TMEM45A: variants seen among roughly 807,000 people sequenced by gnomAD.
TMEM45A encodes DNA polymerase-transactivated protein 4.
A neutral mutation model predicts 32.0 loss-of-function variants in TMEM45A; 25 were observed. The ratio of observed to expected loss-of-function variants is 0.78; its 90% CI spans 0.57 to 1.09. The LOEUF is 1.09. Among genes scored for constraint, TMEM45A ranks in the 50% least tolerant of loss-of-function variants. The pLI, the probability that TMEM45A is intolerant of heterozygous loss-of-function variation, is 0.00. For missense variants in TMEM45A, 302 were observed against 325.0 expected (o/e 0.93, Z 0.54); for synonymous variants, 122 against 114.8 (o/e 1.06, Z -0.40).
At chr3:100,510,394 C>T (rs1433070031) in intron 1 of TMEM45A, among the ~76,000 whole-genome samples, 1 of 152,174 alleles carries the variant, frequency 6.6e-6, no homozygotes, top group African/African-American at 2.4e-5. Context: ...TCCAACAGAC[C>T]TGCAGCTGAG....
chr3:100,526,590 G>C (rs1705550025), intron 1 of TMEM45A, among the ~76,000 whole-genome samples: 1 of 152,190 alleles, frequency 6.6e-6, no homozygotes, highest in African/African-American at 2.4e-5. Context: ...GAGGCTAAAA[G>C]TAATTTGTAT....
chr3:100,556,995 A>G (rs565449601), intron 3 of TMEM45A, 23 bp downstream of exon 3: 2 of 1,610,214 alleles, frequency 1.2e-6, no homozygotes, highest in African/African-American at 1.3e-5. Flanking sequence ...GAGTATTTTC[A>G]TGTACCTTTC....
chr3:100,540,871 T>A (rs1414882412), intron 1 of TMEM45A, among the ~76,000 whole-genome samples: 2 of 152,224 alleles, frequency 1.3e-5, no homozygotes, highest in Non-Finnish European at 2.9e-5. Context: ...CTGGGTCAAA[T>A]GTTAGTTCTA....
At position 100,530,189 on chromosome 3, in the gene TMEM45A, A is replaced by C. The variant is rs191984202; in HGVS notation, c.-3-25020A>C. 8.6e-4 allele frequency among the ~76,000 whole-genome samples: 131 copies of C among 152,346 alleles called. 2 individuals are homozygous for C. The East Asian group carries it at 0.022, about 26-fold the overall frequency. ...CCCCCAGATAATATTTGTATAAGTT[A>C]GGGTTCTCTAGAGAGACATAACCAA... On this transcript the variant is annotated intron_variant, in intron 1 of 5. Coordinates refer to ENST00000323523, the MANE Select transcript of TMEM45A (RefSeq NM_018004.3).
chr3:100,505,498 A>G (rs971422493), intron 1 of TMEM45A, among the ~76,000 whole-genome samples: 1 of 152,204 alleles, frequency 6.6e-6, no homozygotes, highest in Non-Finnish European at 1.5e-5. Flanking sequence ...GTTTAATAGA[A>G]TGGAGAATGT....
chr3:100,504,541 A>ATT (rs1708054504), intron 1 of TMEM45A, among the ~76,000 whole-genome samples: 1 of 152,212 alleles, frequency 6.6e-6, no homozygotes, highest in Admixed American at 6.5e-5. Context: ...TTCCTATTGC[A>ATT]TTTAAAATAA....
At chr3:100,574,484 G>A (rs1186271103) in intron 5 of TMEM45A, 2 of 152,096 alleles carry the variant, frequency 1.3e-5, no homozygotes, top group Admixed American at 1.3e-4. Context: ...CCAATAACAG[G>A]CTCTGAAATT....
intron 1 of TMEM45A, among the ~76,000 whole-genome samples, chr3:100,493,824 C>A (rs531731430): frequency 6.6e-6 from 1 of 152,218 alleles, no homozygotes; most frequent in Admixed American, 6.5e-5. Flanking sequence ...CTCTGCCTCC[C>A]GGGTTCAAGT....
chr3:100,536,663 A>G (rs1484997196), intron 1 of TMEM45A, among the ~76,000 whole-genome samples: 1 of 152,168 alleles, frequency 6.6e-6, no homozygotes, highest in African/African-American at 2.4e-5. Context: ...AAAAAAACTG[A>G]ATTTCCTCTC....
At position 100,557,028 on chromosome 3, in the gene TMEM45A, G is replaced by A. The variant is rs1706236318; in HGVS notation, c.403+56G>A. 3 of 1,544,470 alleles carry A rather than the reference G, an allele frequency of 1.9e-6. No homozygotes were observed. The African/African-American group carries it at 4.1e-5, about 21-fold the overall frequency. Reference sequence around the variant, plus strand: ...TTCTCTATTAGTGAGCATTTATGTAGCCCTTCATATTAATATACCTCTGGC... The same window carrying A: ...TTCTCTATTAGTGAGCATTTATGTAACCCTTCATATTAATATACCTCTGGC... On this transcript the variant is annotated intron_variant, in intron 3 of 5. Coordinates refer to ENST00000323523, the MANE Select transcript of TMEM45A (RefSeq NM_018004.3).
At chr3:100,550,001 C>G (rs1283780790) in intron 1 of TMEM45A, among the ~76,000 whole-genome samples, 3 of 131,618 alleles carry the variant, frequency 2.3e-5, no homozygotes, top group Admixed American at 1.8e-4. Context: ...CAAGTCTTTG[C>G]TATTGTGAAT....
intron 5 of TMEM45A, among the ~76,000 whole-genome samples, chr3:100,576,707 A>C (rs1243730321): frequency 2.6e-5 from 4 of 152,240 alleles, no homozygotes; most frequent in Non-Finnish European, 5.9e-5. Flanking sequence ...CAATGATGCA[A>C]TACATTGGAA....
chr3:100,507,680 AC>A (rs1401028588), intron 1 of TMEM45A, among the ~76,000 whole-genome samples: 1 of 152,238 alleles, frequency 6.6e-6, no homozygotes, highest in South Asian at 2.1e-4. Context: ...TGTTGTCATG[AC>A]CACCATGATG....
At chr3:100,561,792 G>GC (rs1706336756) in intron 4 of TMEM45A, among the ~76,000 whole-genome samples, 2 of 152,126 alleles carry the variant, frequency 1.3e-5, no homozygotes, top group African/African-American at 4.8e-5. Context: ...TTTGCTTCTT[G>GC]TTTTTTAGGA....
intron 1 of TMEM45A, among the ~76,000 whole-genome samples, chr3:100,527,562 A>G (rs1217648268): frequency 6.6e-6 from 1 of 152,194 alleles, no homozygotes; most frequent in Non-Finnish European, 1.5e-5. Context: ...CAAGGGTTCC[A>G]ACCTTATGAA....
At chr3:100,513,366 G>T (rs1708201654) in intron 1 of TMEM45A, among the ~76,000 whole-genome samples, 2 of 151,764 alleles carry the variant, frequency 1.3e-5, no homozygotes, top group South Asian at 2.1e-4. Context: ...CAGAACCAAA[G>T]ACAAAAACCA....
intron 1 of TMEM45A, among the ~76,000 whole-genome samples, chr3:100,527,907 T>A (rs192643417): frequency 1.3e-4 from 20 of 152,304 alleles, no homozygotes; most frequent in Admixed American, 7.8e-4. Flanking sequence ...GGACACCAGA[T>A]AAGACTGGTG....
intron 1 of TMEM45A, among the ~76,000 whole-genome samples, chr3:100,507,662 C>A (rs956700226): frequency 2.6e-5 from 4 of 152,046 alleles, no homozygotes; most frequent in Non-Finnish European, 5.9e-5. Flanking sequence ...AGAATGGATG[C>A]TAGTCAGTGT....
chr3:100,567,825 C>T lies in TMEM45A; in HGVS notation c.589-997C>T, dbSNP rs553771773. Among the ~76,000 whole-genome samples, 19 of 152,232 alleles carry T rather than the reference C, an allele frequency of 1.2e-4. No individual in the cohort carries two copies. The South Asian group carries it at 2.9e-3, about 23-fold the overall frequency. On this transcript the variant is annotated intron_variant, in intron 4 of 5. Transcript: ENST00000323523. The stretch of plus-strand genomic sequence containing the variant: ...TTTGAGACGGAGACTTGCTCTGTCG[C>T]CCAGGCTGGAGAGCAGTGGCACAAT...
Sources: gnomAD v4.1 joint callset for allele counts (sites outside exome capture counted in the v4.1 genomes callset) on GRCh38, gnomAD v4.1.1 for gene constraint, MANE v1.5 for transcripts, NCBI Gene and HGNC (gene_info 2026-07-23, HGNC 2026-07-21) for gene names.